Variants in SLC30A2 observed in about 807,000 individuals in gnomAD.
The protein encoded by SLC30A2 is solute carrier family 30 member 2.
In SLC30A2, 19 loss-of-function variants were observed where a neutral mutation model predicts 39.6. The observed-to-expected ratio is 0.48, with a 90% CI of 0.34 to 0.70. The LOEUF is 0.70. Ranked by LOEUF, SLC30A2 falls within the 30% of genes least tolerant of loss-of-function variation. The probability of loss-of-function intolerance (pLI) is 0.01; values close to 1 mark genes in which losing one functional copy is unlikely to be tolerated. For synonymous variants in SLC30A2, 195 were observed against 194.8 expected, an observed-to-expected ratio of 1.00 and a Z score of -0.01; for missense variants, 387 against 479.4, an observed-to-expected ratio of 0.81 and a Z score of 1.80.
Position 26,039,984 on chromosome 1 carries a change from C to T in SLC30A2, c.839-73G>A. On this transcript the variant is annotated intron_variant, in intron 6 of 7. Coordinates refer to ENST00000374276, the MANE Select transcript of SLC30A2 (RefSeq NM_001004434.3). This position sits in a 1 kb window ranked among gnomAD's most constrained non-coding sequence, Gnocchi z 4.3. Reference sequence around the variant, plus strand: ...CGCCTGCCCATTGGTGCAGGGCTGGCTCCTGATCCTCAGGTGTCATCCCCT... The same window carrying T: ...CGCCTGCCCATTGGTGCAGGGCTGGTTCCTGATCCTCAGGTGTCATCCCCT... 1 of 1,553,614 alleles carries T rather than the reference C, an allele frequency of 6.4e-7. No individual in the cohort carries two copies. The highest frequency in any genetic ancestry group is 8.8e-7 in the Non-Finnish European group (1 of 1,131,934).
chr1:26,039,221 T>C lies in SLC30A2; in HGVS notation c.1058A>G (p.Gln353Arg). The change falls in exon 8 of 8, where the codon CAG becomes CGG. Residue 353 changes from glutamine (Q) to arginine (R), a missense_variant. Physicochemically the swap from Gln to Arg is conservative, Grantham distance 43. Transcript: ENST00000374276. This position sits in a 1 kb window ranked among gnomAD's most constrained non-coding sequence, Gnocchi z 4.3. Reference sequence around the variant, plus strand: ...CATGTCCTCCGAGTAGTCCTCGATCTGGATGGTCACGGTGTGGAAGTGGAA... The same window carrying C: ...CATGTCCTCCGAGTAGTCCTCGATCCGGATGGTCACGGTGTGGAAGTGGAA... ...GKFHFHTVTI[Q>R]IEDYSEDMKD... The C allele has an allele frequency of 6.2e-7, 1 of 1,614,188 alleles. No individual in the cohort carries two copies. Among genetic ancestry groups the C allele is most frequent in the Non-Finnish European group, 8.5e-7 (1 of 1,180,006 alleles).
chr1:26,044,496 CTG>C (rs775419302), intron 2 of SLC30A2, 52 bp from the exon 3 acceptor site: 11 of 1,575,928 alleles, frequency 7.0e-6, no homozygotes, highest in East Asian at 2.3e-5. Flanking sequence ...GCTCCCAAGA[CTG>C]TGTGTGCAGC....
rs1000721139 is a variant in SLC30A2 at position 26,038,917 on chromosome 1, A to G, written c.*243T>C. On this transcript the variant is annotated 3_prime_UTR_variant, in exon 8 of 8. Transcript: ENST00000374276. Reference sequence around the variant, plus strand: ...GATTAGGCCCAAATACAGCCCTTCCAGAGCTGGCCCAGGAGCTGGAAGAGC... The same window carrying G: ...GATTAGGCCCAAATACAGCCCTTCCGGAGCTGGCCCAGGAGCTGGAAGAGC... The G allele has an allele frequency of 8.9e-7, 1 of 1,123,132 alleles. No individual in the cohort carries two copies. Among genetic ancestry groups the G allele is most frequent in the Non-Finnish European group, 1.1e-6 (1 of 871,844 alleles). The allele number at this position is 1,123,132 out of a possible 1,614,324, so 69.6% of individuals were successfully genotyped here.
At chr1:26,043,581 C>A in intron 3 of SLC30A2, 30 bp from the exon 4 acceptor site, 2 of 1,606,802 alleles carry the variant, frequency 1.2e-6, no homozygotes, top group Non-Finnish European at 1.7e-6. Flanking sequence ...CAACACCCAC[C>A]TTGGCATGGG....
chr1:26,038,949 A>G lies in SLC30A2; in HGVS notation c.*211T>C. On this transcript the variant is annotated 3_prime_UTR_variant, in exon 8 of 8. Transcript: ENST00000374276. ...GCCCAGGAGCTGGAAGAGCAGGGTC[A>G]CACTAGCTTTATACCCGCTGAGTCC... is the stretch of plus-strand genomic sequence containing the variant. The G allele has an allele frequency of 7.7e-7, 1 of 1,299,406 alleles. No individual in the cohort carries two copies. The highest frequency in any genetic ancestry group is 1.5e-5 in the African/African-American group (1 of 67,246). The allele number at this position is 1,299,406 out of a possible 1,614,324, so 80.5% of individuals were successfully genotyped here.
At chr1:26,044,479 A>G in intron 2 of SLC30A2, 35 bp from the exon 3 acceptor site, 1 of 1,602,796 alleles carries the variant, frequency 6.2e-7, no homozygotes, top group Non-Finnish European at 8.5e-7. Context: ...GCTCCCCCAG[A>G]GAGCTGGCTC....
chr1:26,039,327 C>CG lies in SLC30A2; in HGVS notation c.974-23dup. 6.3e-7 allele frequency: 1 copy of CG among 1,592,276 alleles called. No individual in the cohort carries two copies. ...TGAGCTGGGGGCCGAGAGGACACAG[C>CG]GGGGGAAGCCATTTACTCTGGCCCT... On this transcript the variant is annotated intron_variant, in intron 7 of 7. Coordinates refer to ENST00000374276, the MANE Select transcript of SLC30A2 (RefSeq NM_001004434.3). The surrounding 1 kb of genome is among the most constrained non-coding windows in gnomAD (Gnocchi z 4.3).
intron 1 of SLC30A2, 130 bp from the exon 2 acceptor site, chr1:26,045,347 AC>A: frequency 1.4e-6 from 1 of 713,884 alleles, no homozygotes; most frequent in Non-Finnish European, 2.3e-6. Context: ...AGCTCGACAA[AC>A]CAGAGGTGAG....
chr1:26,040,777 C>T (rs2050386970), intron 6 of SLC30A2, among the ~76,000 whole-genome samples: 1 of 152,116 alleles, frequency 6.6e-6, no homozygotes, highest in South Asian at 2.1e-4. Flanking sequence ...GCCCAAGACC[C>T]CAGGCCTAGA....
At position 26,039,232 on chromosome 1, in the gene SLC30A2, G is replaced by A. The variant is rs894972915; in HGVS notation, c.1047C>T (p.Thr349=). Residue 349 remains threonine, a synonymous_variant, in exon 8 of 8, where the codon ACC becomes ACT. Transcript: ENST00000374276. This position sits in a 1 kb window ranked among gnomAD's most constrained non-coding sequence, Gnocchi z 4.3. ...SRLQGKFHFH[T]VTIQIEDYSE... is the part of the protein sequence containing the mutation. ...AGTAGTCCTCGATCTGGATGGTCAC[G>A]GTGTGGAAGTGGAACTTCCCTTGGA... 8.7e-6 allele frequency: 14 copies of A among 1,614,038 alleles called. No individual in the cohort carries two copies. The highest frequency in any genetic ancestry group is 5.3e-5 in the African/African-American group (4 of 74,944).
Position 26,037,378 on chromosome 1 carries a change from C to A in SLC30A2, c.*1782G>T. The A allele has an allele frequency of 6.6e-6, 1 of 152,242 alleles. No individual in the cohort carries two copies. The highest frequency in any genetic ancestry group is 1.5e-5 in the Non-Finnish European group (1 of 68,098). The allele number at this position is 152,242 out of a possible 1,614,324, so 9.4% of individuals were successfully genotyped here. On this transcript the variant is annotated 3_prime_UTR_variant, in exon 8 of 8. Transcript: ENST00000374276. ...CCTCCCGAGTAGCTGGGATTACAGG[C>A]ACAAGCCACCACGCCTGGCTAGTTT...
chr1:26,044,145 G>T (rs748886290), intron 3 of SLC30A2, among the ~76,000 whole-genome samples, 153 bp downstream of exon 3: 6 of 152,178 alleles, frequency 3.9e-5, no homozygotes, highest in Non-Finnish European at 8.8e-5. Context: ...GAGGACAGAG[G>T]CCATGGTTGA....
chr1:26,045,546 G>A, intron 1 of SLC30A2: 1 of 600,288 alleles, frequency 1.7e-6, no homozygotes, highest in East Asian at 2.8e-5. Flanking sequence ...GGGACACAGG[G>A]CCTCCCCGGG....
At position 26,045,194 on chromosome 1, in the gene SLC30A2, T is replaced by G. The variant is rs1283450077; in HGVS notation, c.74A>C (p.Gln25Pro). The change falls in exon 2 of 8, where the codon CAG (glutamine) becomes CCG (proline). Residue 25 changes from glutamine to proline, a missense_variant. Gln to Pro is a moderately conservative substitution (Grantham distance 76, BLOSUM62 -1). Coordinates refer to ENST00000374276, the MANE Select transcript of SLC30A2 (RefSeq NM_001004434.3). ...CAGAGGAATCCAGCCAGCCCCTTCCTGCCACAGAGATCCCGTGTATGACCT... is the reference window on the plus strand; with the variant it reads ...CAGAGGAATCCAGCCAGCCCCTTCCGGCCACAGAGATCCCGTGTATGACCT... ...AIRSYTGSLW[Q>P]EGAGWIPLPR... The G allele has an allele frequency of 6.2e-7, 1 of 1,612,186 alleles. No individual in the cohort carries two copies. Among genetic ancestry groups the G allele is most frequent in the East Asian group, 2.2e-5 (1 of 44,862 alleles).
Position 26,039,767 on chromosome 1 carries a change from A to G in SLC30A2, c.973+10T>C, listed in dbSNP as rs2050377042. 2 of 1,613,298 alleles carry G rather than the reference A, an allele frequency of 1.2e-6. No individual in the cohort carries two copies. The highest frequency in any genetic ancestry group is 4.5e-5 in the East Asian group (2 of 44,862). ...TCTCCCACCCCACCCTGAGTGTCCCAAGCACTCACCAATGGCGATGTGGAC... is the reference window on the plus strand; with the variant it reads ...TCTCCCACCCCACCCTGAGTGTCCCGAGCACTCACCAATGGCGATGTGGAC... On this transcript the variant is annotated intron_variant, in intron 7 of 7. Transcript: ENST00000374276. The surrounding 1 kb of genome is among the most constrained non-coding windows in gnomAD (Gnocchi z 4.3).
chr1:26,039,256 G>A lies in SLC30A2; in HGVS notation c.1023C>T (p.Leu341=). The change falls in exon 8 of 8, where the codon CTC becomes CTT. Residue 341 remains leucine (L), a synonymous_variant. Transcript: ENST00000374276. The surrounding 1 kb of genome is among the most constrained non-coding windows in gnomAD (Gnocchi z 4.3). ...QAVLKTASSR[L]QGKFHFHTVT... ...CGGTGTGGAAGTGGAACTTCCCTTG[G>A]AGGCGGCTGCTGGCTGTCTTCAGCA... The A allele has an allele frequency of 6.2e-7, 1 of 1,614,130 alleles. No homozygotes were observed. The highest frequency in any genetic ancestry group is 8.5e-7 in the Non-Finnish European group (1 of 1,179,992).
chr1:26,039,011 G>C lies in SLC30A2; in HGVS notation c.*149C>G. 6.3e-6 allele frequency: 9 copies of C among 1,418,448 alleles called. No individual in the cohort carries two copies. Among genetic ancestry groups the C allele is most frequent in the Non-Finnish European group, 8.3e-6 (9 of 1,084,008 alleles). 87.9% of individuals were successfully genotyped at this position (1,418,448 alleles called of 1,614,324 possible). On this transcript the variant is annotated 3_prime_UTR_variant, in exon 8 of 8. Coordinates refer to ENST00000374276, the MANE Select transcript of SLC30A2 (RefSeq NM_001004434.3). This position sits in a 1 kb window ranked among gnomAD's most constrained non-coding sequence, Gnocchi z 4.3. ...GTAGTCAGATGGGAGGCTGGGAAGAGCTCCATTCCTGGAGTGGGGCAGAGG... is the reference window on the plus strand; with the variant it reads ...GTAGTCAGATGGGAGGCTGGGAAGACCTCCATTCCTGGAGTGGGGCAGAGG...
At chr1:26,041,674 A>C in intron 6 of SLC30A2, 26 bp downstream of exon 6, 1 of 1,412,818 alleles carries the variant, frequency 7.1e-7, no homozygotes, top group Non-Finnish European at 1.0e-6. Flanking sequence ...CCAAGAGCAA[A>C]AAGGGAGCCA....
intron 6 of SLC30A2, among the ~76,000 whole-genome samples, chr1:26,040,580 A>C (rs1557561316): frequency 6.6e-6 from 1 of 152,184 alleles, no homozygotes; most frequent in South Asian, 2.1e-4. Context: ...AAAGAAGGAA[A>C]GAACAGATCC....
Sources: gnomAD v4.1 joint callset for allele counts (sites outside exome capture counted in the v4.1 genomes callset) on GRCh38, gnomAD v4.1.1 for gene constraint, Gnocchi (gnomAD v3.1) non-coding constraint, MANE v1.5 for transcripts, NCBI Gene and HGNC (gene_info 2026-07-23, HGNC 2026-07-21) for gene names.